Variants in PITPNB observed in about 807,000 individuals in gnomAD.
The protein encoded by PITPNB is phosphatidylinositol transfer protein beta.
PITPNB carries 16 observed loss-of-function variants against 45.9 expected under a neutral mutation model. That is an observed-to-expected ratio of 0.35 (90% confidence interval 0.24 to 0.53). The LOEUF (loss-of-function observed/expected upper bound fraction) is 0.53, where lower values mean the gene tolerates loss of function less well. PITPNB is among the 20% of genes least tolerant of loss of function. The pLI is 0.93. For missense variants in PITPNB, 188 were observed against 330.5 expected (o/e 0.57, Z 3.34); for synonymous variants, 112 against 108.9 (o/e 1.03, Z -0.18).
chr22:27,894,558 T>G lies in PITPNB; in HGVS notation c.453A>C (p.Pro151=), dbSNP rs1373315971. Residue 151 remains proline (P), a synonymous_variant, in exon 7 of 12, where the codon CCA becomes CCC. Coordinates refer to ENST00000335272, the MANE Select transcript of PITPNB (RefSeq NM_012399.5). ...IDIADRSQVE[P]ADYKADEDPA... is the part of the protein sequence containing the mutation. ...AATGTCATTGAGTAATACTTACTGC[T>G]GGTTCAACTTGACTTCTATCTGCAA... 6 of 1,516,882 alleles carry G rather than the reference T, an allele frequency of 4.0e-6. No individual in the cohort carries two copies. The Admixed American group carries it at 1.0e-4, about 25-fold the overall frequency. The allele number at this position is 1,516,882 out of a possible 1,614,324, so 94.0% of individuals were successfully genotyped here.
In PITPNB at chr22:27,911,023, T is replaced by C. The variant is rs1935905415; in HGVS notation, c.138A>G (p.Glu46=). 1.9e-6 allele frequency: 3 copies of C among 1,611,400 alleles called. No homozygotes were observed. The highest frequency in any genetic ancestry group is 2.5e-6 in the Non-Finnish European group (3 of 1,177,564). Residue 46 remains glutamate (E), a synonymous_variant, in exon 3 of 12, where the codon GAA becomes GAG. Transcript: ENST00000335272. ...CCTTTTCTCCATCCTTCTCATAAGGTTCATTCTTTAAGACTTCAATTCCTT... is the reference window on the plus strand; with the variant it reads ...CCTTTTCTCCATCCTTCTCATAAGGCTCATTCTTTAAGACTTCAATTCCTT... ...GGEGIEVLKN[E]PYEKDGEKGQ...
chr22:27,901,554 C>T lies in PITPNB; in HGVS notation c.198-3662G>A, dbSNP rs549975735. The stretch of plus-strand genomic sequence containing the variant: ...AATACACTGTGATGCCTTCTCTTCA[C>T]TAGTCAGGAAAAGCTCAGCTGAGAA... On this transcript the variant is annotated intron_variant, in intron 3 of 11. Transcript: ENST00000335272. Among the ~76,000 whole-genome samples, 153 of 152,212 alleles carry T rather than the reference C, an allele frequency of 1.0e-3. 1 individual carries two copies. The South Asian group carries it at 0.031, about 31-fold the overall frequency.
At chr22:27,862,082 C>T (rs1338847279) in intron 8 of PITPNB, among the ~76,000 whole-genome samples, 1 of 152,132 alleles carries the variant, frequency 6.6e-6, no homozygotes, top group African/African-American at 2.4e-5. Context: ...GCCCAGACTT[C>T]ACCACTGATC....
intron 4 of PITPNB, 108 bp downstream of exon 4, chr22:27,897,693 C>G (rs1039695506): frequency 6.5e-6 from 5 of 766,866 alleles, no homozygotes; most frequent in Admixed American, 4.0e-5. Context: ...TATCCAAGAA[C>G]CCAAGGAAGA....
chr22:27,898,050 C>T (rs1313255168), intron 3 of PITPNB, 158 bp from the exon 4 acceptor site: 1 of 595,546 alleles, frequency 1.7e-6, no homozygotes, highest in Non-Finnish European at 3.0e-6. Context: ...TAGAAATGAA[C>T]ACATAATTTT....
In PITPNB at chr22:27,893,078, C is replaced by T. The variant is rs139736150; in HGVS notation, c.456+1477G>A. ...CACCAAAAATAGAAATGGAAAGGGACGCCTACTGAACATACCGTGCTTGAC... is the reference window on the plus strand; with the variant it reads ...CACCAAAAATAGAAATGGAAAGGGATGCCTACTGAACATACCGTGCTTGAC... On this transcript the variant is annotated intron_variant, in intron 7 of 11. Coordinates refer to ENST00000335272, the MANE Select transcript of PITPNB (RefSeq NM_012399.5). 6.7e-3 allele frequency among the ~76,000 whole-genome samples: 1,015 copies of T among 152,284 alleles called. 7 individuals are homozygous for T. The highest frequency in any genetic ancestry group is 0.022 in the African/African-American group (922 of 41,572).
At chr22:27,869,732 T>C (rs149349470) in intron 8 of PITPNB, among the ~76,000 whole-genome samples, 65 of 152,278 alleles carry the variant, frequency 4.3e-4, no homozygotes, top group Admixed American at 1.2e-3. Context: ...ACGGTTAACA[T>C]TGATTGTGCA....
Position 27,858,486 on chromosome 22 carries a change from G to C in PITPNB, c.669C>G (p.Asn223Lys). Residue 223 changes from asparagine to lysine, a missense_variant, in exon 10 of 12, where the codon AAC becomes AAG. Transcript: ENST00000335272. ...TCCAACAAAAAAGCTGGCGATGGAA[G>C]TTTGTAAATATCCGTTTTTCTTGCT... ...IQKQEKRIFTNFHRQLFCWID... is the reference protein window; with the variant it reads ...IQKQEKRIFTKFHRQLFCWID... 4 of 1,611,244 alleles carry C rather than the reference G, an allele frequency of 2.5e-6. No individual in the cohort carries two copies. The highest frequency in any genetic ancestry group is 3.4e-6 in the Non-Finnish European group (4 of 1,178,876).
intron 8 of PITPNB, among the ~76,000 whole-genome samples, chr22:27,860,880 A>G (rs984207901): frequency 6.6e-6 from 1 of 152,138 alleles, no homozygotes; most frequent in Non-Finnish European, 1.5e-5. Context: ...AGGGAAAATA[A>G]ACTATTTTTT....
At chr22:27,883,028 C>A (rs551420925) in intron 7 of PITPNB, among the ~76,000 whole-genome samples, 2 of 152,324 alleles carry the variant, frequency 1.3e-5, no homozygotes, top group Non-Finnish European at 2.9e-5. Flanking sequence ...GGTGTCCAAT[C>A]CTTTTACTCT....
chr22:27,893,421 AC>A (rs1353559028), intron 7 of PITPNB, among the ~76,000 whole-genome samples: 1 of 150,658 alleles, frequency 6.6e-6, no homozygotes, highest in African/African-American at 2.5e-5. Flanking sequence ...AGTAGCTGGG[AC>A]TATAGGCGCC....
chr22:27,918,834 G>T (rs1375989847), intron 1 of PITPNB, among the ~76,000 whole-genome samples: 3 of 152,166 alleles, frequency 2.0e-5, no homozygotes, highest in African/African-American at 7.2e-5. Context: ...GGCGGGCCTG[G>T]GGGTGGGCCC....
chr22:27,914,408 C>A, intron 1 of PITPNB, 61 bp from the exon 2 acceptor site: 1 of 1,003,176 alleles, frequency 1.0e-6, no homozygotes, highest in East Asian at 2.6e-5. Context: ...ACACAGATCT[C>A]TGAAGAGGTT....
chr22:27,907,091 G>C (rs578181599), intron 3 of PITPNB, among the ~76,000 whole-genome samples: 9 of 152,320 alleles, frequency 5.9e-5, no homozygotes, highest in African/African-American at 2.2e-4. Flanking sequence ...GTTATATAGT[G>C]ACGGTGCACC....
intron 8 of PITPNB, among the ~76,000 whole-genome samples, chr22:27,864,576 TACAGGAG>T (rs1009144876): frequency 6.6e-5 from 10 of 152,154 alleles, no homozygotes; most frequent in Admixed American, 6.6e-4. Context: ...AAATACCCAC[TACAGGAG>T]ACAGGTGAAA....
intron 3 of PITPNB, among the ~76,000 whole-genome samples, chr22:27,909,950 CTT>C (rs544649700): frequency 3.5e-4 from 46 of 130,278 alleles, no homozygotes; most frequent in African/African-American, 6.7e-4. Flanking sequence ...CCACTAATTT[CTT>C]TTTTTTTTTT....
Position 27,864,258 on chromosome 22 carries a change from C to T in PITPNB, c.535-4017G>A, listed in dbSNP as rs143832555. Reference sequence around the variant, plus strand: ...GGAGTCATCTGTTAAATGTGAGCTACAGTTATTTAAAGTACTGATTAAGTT... The same window carrying T: ...GGAGTCATCTGTTAAATGTGAGCTATAGTTATTTAAAGTACTGATTAAGTT... On this transcript the variant is annotated intron_variant, in intron 8 of 11. Coordinates refer to ENST00000335272, the MANE Select transcript of PITPNB (RefSeq NM_012399.5). 3.7e-3 allele frequency among the ~76,000 whole-genome samples: 567 copies of T among 151,628 alleles called. 4 individuals carry two copies. The highest frequency in any genetic ancestry group is 0.013 in the African/African-American group (525 of 40,976).
intron 10 of PITPNB, among the ~76,000 whole-genome samples, chr22:27,857,777 C>T (rs1273697933): frequency 6.6e-6 from 1 of 152,192 alleles, no homozygotes; most frequent in African/African-American, 2.4e-5. Context: ...CCACTGGCTG[C>T]CGGCCCTGCC....
intron 7 of PITPNB, among the ~76,000 whole-genome samples, chr22:27,887,664 G>C (rs1166581824): frequency 6.6e-6 from 1 of 151,758 alleles, no homozygotes; most frequent in Non-Finnish European, 1.5e-5. Context: ...CTAAGCTCTC[G>C]ATTCTAGTGT....
Sources: allele counts gnomAD v4.1 joint callset (sites outside exome capture counted in the v4.1 genomes callset), GRCh38; gene constraint gnomAD v4.1.1; transcripts MANE v1.5; gene names NCBI Gene and HGNC (gene_info 2026-07-23, HGNC 2026-07-21).